The following C1orf167 variants were observed in gnomAD, a reference collection of about 807,000 sequenced individuals.
C1orf167 encodes the protein chromosome 1 open reading frame 167.
A neutral mutation model predicts 176.5 loss-of-function variants in C1orf167; 153 were observed. The ratio of observed to expected loss-of-function variants is 0.87; its 90% CI spans 0.76 to 0.99. C1orf167 has a LOEUF of 0.99. C1orf167 is among the 50% of genes least tolerant of loss of function. The pLI, the probability that C1orf167 is intolerant of heterozygous loss-of-function variation, is 0.00. For missense variants in C1orf167, 1,490 were observed against 1,817.7 expected, an observed-to-expected ratio of 0.82 and a Z score of 3.28; for synonymous variants, 594 against 752.7, an observed-to-expected ratio of 0.79 and a Z score of 3.45.
rs760018215 is a variant in C1orf167 at position 11,785,329 on chromosome 1, C to T, written c.3567+40C>T. 304 of 1,245,086 alleles carry T rather than the reference C, an allele frequency of 2.4e-4. No individual in the cohort carries two copies. In the Middle Eastern group the frequency reaches 2.9e-3, roughly 12 times the overall value. 77.1% of individuals were successfully genotyped at this position (1,245,086 alleles called of 1,614,324 possible). A position where few individuals can be genotyped will look rare whatever the true frequency, so the allele number is the denominator to read the frequency against. ...CCAGACTGACCTCACGCTCTGGCCC[C>T]GGATGGCCAGCAGGGGGAGCCTGCT... On this transcript the variant is annotated intron_variant, in intron 16 of 20. Transcript: ENST00000688073.
Position 11,788,096 on chromosome 1 carries a change from A to G in C1orf167, c.3848+49A>G, listed in dbSNP as rs746603471. ...TTGGTGGGTCCGAGGGATGGGGGCAAGGGCTGAGGGGCTTGCCTGAGCCAT... is the reference window on the plus strand; with the variant it reads ...TTGGTGGGTCCGAGGGATGGGGGCAGGGGCTGAGGGGCTTGCCTGAGCCAT... On this transcript the variant is annotated intron_variant, in intron 18 of 20. Transcript: ENST00000688073. 22 of 1,277,610 alleles carry G rather than the reference A, an allele frequency of 1.7e-5. No homozygotes were observed. The Middle Eastern group carries it at 6.5e-4, about 38-fold the overall frequency. The allele number at this position is 1,277,610 out of a possible 1,614,324, so 79.1% of individuals were successfully genotyped here.
In C1orf167 at chr1:11,788,338, G is replaced by A. The variant is rs1485475867; in HGVS notation, c.4038G>A (p.Leu1346=). The A allele has an allele frequency of 2.3e-6, 3 of 1,301,334 alleles. No homozygotes were observed. The highest frequency in any genetic ancestry group is 2.0e-6 in the Non-Finnish European group (2 of 987,172). The allele number at this position is 1,301,334 out of a possible 1,614,324, so 80.6% of individuals were successfully genotyped here. The change falls in exon 19 of 21, where the codon CTG becomes CTA. Residue 1346 remains leucine (L), a synonymous_variant. Coordinates refer to ENST00000688073, the MANE Select transcript of C1orf167 (RefSeq NM_001010881.2). ...TGCCTGGCAGTGGCATGGCAGCACTGGGTGGATGCCCAAGGGGCAGAGCAG... is the reference window on the plus strand; with the variant it reads ...TGCCTGGCAGTGGCATGGCAGCACTAGGTGGATGCCCAAGGGGCAGAGCAG... ...GQVPGSGMAA[L]GGCPRGRAAG...
chr1:11,782,995 A>T (rs1251754828), intron 14 of C1orf167, among the ~76,000 whole-genome samples: 1 of 151,998 alleles, frequency 6.6e-6, no homozygotes. Flanking sequence ...GAGTTACAGC[A>T]AGGAGAATTC....
At chr1:11,772,904 A>ATTATTATTATTATTTTATTATTATT (rs56228938) in intron 8 of C1orf167, among the ~76,000 whole-genome samples, 2 of 146,464 alleles carry the variant, frequency 1.4e-5, no homozygotes, top group Admixed American at 1.4e-4. Flanking sequence ...CATTATTATT[A>ATTATTATTATTATTTTATTATTATT]TTATTATTAT....
chr1:11,783,867 G>GT (rs746377226), intron 14 of C1orf167, among the ~76,000 whole-genome samples: 8 of 151,738 alleles, frequency 5.3e-5, no homozygotes, highest in Non-Finnish European at 1.2e-4. Flanking sequence ...GTTTCATTTT[G>GT]TTTTTTTGAG....
At chr1:11,774,659 G>A (rs942836458) in intron 8 of C1orf167, among the ~76,000 whole-genome samples, 4 of 152,194 alleles carry the variant, frequency 2.6e-5, no homozygotes, top group African/African-American at 9.7e-5. Context: ...TTAGTACAGG[G>A]TAGGGGGGCT....
At chr1:11,780,657 C>T (rs1358029099) in intron 13 of C1orf167, among the ~76,000 whole-genome samples, 1 of 152,216 alleles carries the variant, frequency 6.6e-6, no homozygotes, top group Non-Finnish European at 1.5e-5. Context: ...TCCTTATCCT[C>T]ACCTGGCCTC....
intron 6 of C1orf167, 109 bp downstream of exon 6, chr1:11,769,236 T>C: frequency 1.1e-6 from 1 of 874,610 alleles, no homozygotes. Flanking sequence ...TAAGCAGATG[T>C]GGGCAAAGAT....
At chr1:11,781,726 T>C (rs1418965163) in intron 13 of C1orf167, among the ~76,000 whole-genome samples, 1 of 151,986 alleles carries the variant, frequency 6.6e-6, no homozygotes, top group Non-Finnish European at 1.5e-5. Context: ...TTGGCTAACA[T>C]GGTGAAACCC....
At chr1:11,771,043 GTGTGTGTA>G (rs1643037243) in intron 6 of C1orf167, among the ~76,000 whole-genome samples, 6 of 69,836 alleles carry the variant, frequency 8.6e-5, no homozygotes, top group Non-Finnish European at 1.4e-4. Context: ...GTGTGTGTGT[GTGTGTGTA>G]TATATATATA....
chr1:11,763,117 G>A (rs1182932377), intron 1 of C1orf167, among the ~76,000 whole-genome samples: 1 of 152,180 alleles, frequency 6.6e-6, no homozygotes, highest in Admixed American at 6.5e-5. Flanking sequence ...GAGGAATTGG[G>A]GAGGACCATA....
In C1orf167 at chr1:11,778,952, C is replaced by T. The variant is rs55685198; in HGVS notation, c.2523C>T (p.Asp841=). ...EKVPRAPTLP[D]TLQGSLLWAA... The stretch of plus-strand genomic sequence containing the variant: ...TTCCCAGGGCCCCCACCCTCCCGGA[C>T]ACTCTCCAGGGGAGCCTTCTGTGGG... The change falls in exon 12 of 21, where the codon GAC becomes GAT. Residue 841 remains aspartate (D), a synonymous_variant. Coordinates refer to ENST00000688073, the MANE Select transcript of C1orf167 (RefSeq NM_001010881.2). 142,394 of 1,302,376 alleles carry T rather than the reference C, an allele frequency of 0.11. 8,360 individuals are homozygous for T. Among genetic ancestry groups the T allele is most frequent in the South Asian group, 0.17 (13,855 of 80,700 alleles). The allele number at this position is 1,302,376 out of a possible 1,614,324, so 80.7% of individuals were successfully genotyped here.
At chr1:11,776,924 G>A (rs1053878005) in intron 10 of C1orf167, among the ~76,000 whole-genome samples, 2 of 152,174 alleles carry the variant, frequency 1.3e-5, no homozygotes, top group Non-Finnish European at 1.5e-5. Flanking sequence ...AGGGGTGGCC[G>A]GAACCCTAGT....
chr1:11,770,908 A>G (rs1643022765), intron 6 of C1orf167, among the ~76,000 whole-genome samples: 2 of 149,066 alleles, frequency 1.3e-5, no homozygotes, highest in East Asian at 3.9e-4. Context: ...AGGCTCAAGC[A>G]ATTCTCATGC....
At position 11,775,499 on chromosome 1, in the gene C1orf167, C is replaced by T. The variant is rs41275456; in HGVS notation, c.2053C>T (p.Arg685Cys). The T allele has an allele frequency of 0.11, 143,239 of 1,304,038 alleles. 8,396 individuals are homozygous for T. The highest frequency in any genetic ancestry group is 0.17 in the South Asian group (14,025 of 81,006). 80.8% of individuals were successfully genotyped at this position (1,304,038 alleles called of 1,614,324 possible). The change falls in exon 9 of 21, where the codon CGC becomes TGC. Residue 685 changes from arginine to cysteine, a missense_variant. Physicochemically the swap from Arg to Cys is radical, Grantham distance 180. Coordinates refer to ENST00000688073, the MANE Select transcript of C1orf167 (RefSeq NM_001010881.2). ...CCGGTACCGAGACCACCTGGCTGAC[C>T]GCCGGACGGGGACCCTGAGGAAATG... ...GSRYRDHLAD[R>C]RTGTLRKCLE...
At chr1:11,763,502 A>G (rs941729669) in intron 1 of C1orf167, among the ~76,000 whole-genome samples, 7 of 151,976 alleles carry the variant, frequency 4.6e-5, no homozygotes, top group African/African-American at 1.7e-4. Flanking sequence ...GAGCTCTGCT[A>G]TTGCAGCTGG....
At chr1:11,771,688 G>C in intron 7 of C1orf167, 52 bp downstream of exon 7, 2 of 1,222,314 alleles carry the variant, frequency 1.6e-6, no homozygotes, top group Non-Finnish European at 2.2e-6. Flanking sequence ...GCCACGCAGG[G>C]CCTGAGCTCC....
chr1:11,780,801 G>A (rs1643559943), intron 13 of C1orf167, among the ~76,000 whole-genome samples: 2 of 152,038 alleles, frequency 1.3e-5, no homozygotes, highest in Admixed American at 1.3e-4. Flanking sequence ...GCAGTGGCGA[G>A]AGAGGTTGAG....
At position 11,788,143 on chromosome 1, in the gene C1orf167, GGCCAGT is replaced by G. The variant is rs1334119562; in HGVS notation, c.3849-3_3851del. ...CCATGGCTACAGCTGGGCCCTCTCT[GGCCAGT>G]GCTCGTTCCTGCAGGATCCTGGAAA... is the stretch of plus-strand genomic sequence containing the variant. On this transcript the variant is annotated splice_acceptor_variant and splice_polypyrimidine_tract_variant and coding_sequence_variant and intron_variant, in exon 19 of 21. Transcript: ENST00000688073. LOFTEE classifies it high-confidence loss of function. 5.9e-5 allele frequency: 76 copies of G among 1,284,238 alleles called. No homozygotes were observed. The highest frequency in any genetic ancestry group is 7.8e-5 in the Non-Finnish European group (76 of 973,642). 79.6% of individuals were successfully genotyped at this position (1,284,238 alleles called of 1,614,324 possible).
Sources: gnomAD v4.1 joint callset for allele counts (sites outside exome capture counted in the v4.1 genomes callset) on GRCh38, gnomAD v4.1.1 for gene constraint, MANE v1.5 for transcripts, NCBI Gene and HGNC (gene_info 2026-07-23, HGNC 2026-07-21) for gene names.